CDK14: variants seen among roughly 807,000 people sequenced by gnomAD.
CDK14 encodes the protein cyclin-dependent kinase 14.
In CDK14, 34 loss-of-function variants were observed where a neutral mutation model predicts 60.7. The observed-to-expected ratio is 0.56, with a 90% CI of 0.43 to 0.75. CDK14 has a LOEUF of 0.75. Among genes scored for constraint, CDK14 ranks in the 30% least tolerant of loss-of-function variants. CDK14 has a pLI of 0.00. For synonymous variants in CDK14, 197 were observed against 203.7 expected (o/e 0.97, Z 0.28); for missense variants, 482 against 564.1 (o/e 0.85, Z 1.47).
intron 12 of CDK14, among the ~76,000 whole-genome samples, chr7:91,100,630 T>A (rs1799124925): frequency 6.6e-6 from 1 of 152,190 alleles, no homozygotes; most frequent in South Asian, 2.1e-4. Flanking sequence ...TGTCATAAGT[T>A]AACAGATTTT....
chr7:90,612,487 A>G (rs1397003184), intron 2 of CDK14, among the ~76,000 whole-genome samples: 2 of 151,988 alleles, frequency 1.3e-5, no homozygotes, highest in Admixed American at 1.3e-4. Context: ...GTAAGATTTT[A>G]TAGGCCAGGC....
intron 14 of CDK14, among the ~76,000 whole-genome samples, chr7:91,138,514 T>C (rs1197843617): frequency 6.6e-6 from 1 of 152,146 alleles, no homozygotes. Flanking sequence ...CATAGTGCAT[T>C]GACAGTCTCA....
chr7:90,744,300 C>T (rs1022730230), intron 3 of CDK14, among the ~76,000 whole-genome samples: 2 of 152,158 alleles, frequency 1.3e-5, no homozygotes, highest in African/African-American at 4.8e-5. Context: ...GGACACAGCA[C>T]ATGTTTCAGA....
At chr7:90,804,227 A>G (rs1196293549) in intron 5 of CDK14, among the ~76,000 whole-genome samples, 3 of 152,156 alleles carry the variant, frequency 2.0e-5, no homozygotes, top group Admixed American at 6.6e-5. Context: ...AGTACTTAAC[A>G]TATTTTGTCT....
At chr7:90,760,926 A>G (rs893399326) in intron 4 of CDK14, among the ~76,000 whole-genome samples, 124 of 152,144 alleles carry the variant, frequency 8.2e-4, no homozygotes, top group African/African-American at 2.9e-3. Context: ...AACATCTGCT[A>G]ATTTTATTTT....
chr7:90,779,589 A>G (rs1389396322), intron 4 of CDK14, among the ~76,000 whole-genome samples: 1 of 152,220 alleles, frequency 6.6e-6, no homozygotes, highest in Non-Finnish European at 1.5e-5. Context: ...TTTAAAAAAG[A>G]ACTTATTATA....
At chr7:90,818,047 C>T (rs1165067714) in intron 5 of CDK14, among the ~76,000 whole-genome samples, 1 of 152,162 alleles carries the variant, frequency 6.6e-6, no homozygotes, top group Non-Finnish European at 1.5e-5. Flanking sequence ...TTCCCGGAGG[C>T]AGGATTATAG....
At chr7:91,069,555 T>TA (rs894987784) in intron 11 of CDK14, among the ~76,000 whole-genome samples, 2 of 151,878 alleles carry the variant, frequency 1.3e-5, no homozygotes, top group Non-Finnish European at 2.9e-5. Context: ...AATTTAAATT[T>TA]AAAAAAAGCA....
At chr7:90,597,833 G>GTT (rs11351927) in intron 1 of CDK14, among the ~76,000 whole-genome samples, 1,495 of 138,558 alleles carry the variant, frequency 0.011, 20 homozygotes, top group African/African-American at 0.028. Flanking sequence ...ATTTAGCCAA[G>GTT]TTTTTTTTTT....
intron 7 of CDK14, among the ~76,000 whole-genome samples, chr7:90,915,471 G>A (rs575465042): frequency 3.3e-5 from 5 of 152,220 alleles, no homozygotes; most frequent in South Asian, 2.1e-4. Flanking sequence ...TCTTGGAGCC[G>A]GGGAATATAG....
Position 90,874,503 on chromosome 7 carries a change from C to CTTTTTTTTTTTTT in CDK14, c.639+11258_639+11270dup, listed in dbSNP as rs747439482. On this transcript the variant is annotated intron_variant, in intron 6 of 14. Transcript: ENST00000380050. ...ATCTGGAATCTCATGTCCTTTCATC[C>CTTTTTTTTTTTTT]TTTTTTTTTTTTTTTTTTTTTTTTT... Among the ~76,000 whole-genome samples the CTTTTTTTTTTTTT allele has an allele frequency of 6.2e-5, 3 of 48,010 alleles. 1 individual carries two copies. The highest frequency in any genetic ancestry group is 2.4e-3 in the East Asian group (2 of 834). 31.5% of individuals were successfully genotyped at this position (48,010 alleles called of 152,430 possible).
In CDK14 at chr7:90,824,906, T is replaced by C. The variant is rs868416383; in HGVS notation, c.544+34254T>C. Reference sequence around the variant, plus strand: ...CTTGGAGTCAGATGGCCACAAGGATTGAATTGCCTTTTGCTGGCAATATTT... The same window carrying C: ...CTTGGAGTCAGATGGCCACAAGGATCGAATTGCCTTTTGCTGGCAATATTT... On this transcript the variant is annotated intron_variant, in intron 5 of 14. Transcript: ENST00000380050. 4.6e-5 allele frequency: 7 copies of C among 152,324 alleles called. No homozygotes were observed. In the South Asian group the frequency reaches 1.5e-3, roughly 32 times the overall value. The allele number at this position is 152,324 out of a possible 1,614,324, so 9.4% of individuals were successfully genotyped here.
intron 12 of CDK14, among the ~76,000 whole-genome samples, chr7:91,091,827 A>G (rs1276676817): frequency 6.6e-6 from 1 of 151,878 alleles, no homozygotes; most frequent in East Asian, 1.9e-4. Flanking sequence ...CATTTCTTTA[A>G]ATACTTCCAT....
chr7:91,077,808 T>C (rs1798368820), intron 11 of CDK14, among the ~76,000 whole-genome samples: 1 of 151,684 alleles, frequency 6.6e-6, no homozygotes, highest in African/African-American at 2.4e-5. Context: ...AAAAATTCTA[T>C]AAACTGATTA....
chr7:91,203,001 A>C (rs1210002170), intron 14 of CDK14, among the ~76,000 whole-genome samples: 1 of 152,234 alleles, frequency 6.6e-6, no homozygotes, highest in African/African-American at 2.4e-5. Context: ...ATGTCTAAAA[A>C]ACATCTTAAC....
At chr7:90,835,182 A>G (rs1235257208) in intron 5 of CDK14, among the ~76,000 whole-genome samples, 3 of 152,188 alleles carry the variant, frequency 2.0e-5, no homozygotes, top group Non-Finnish European at 4.4e-5. Flanking sequence ...AATGAAAGAC[A>G]TGGATGCCAG....
chr7:90,807,008 G>A (rs1177212653), intron 5 of CDK14, among the ~76,000 whole-genome samples: 1 of 152,208 alleles, frequency 6.6e-6, no homozygotes, highest in East Asian at 1.9e-4. Context: ...GCTCAAGGAG[G>A]CCTGCCTGCC....
At chr7:90,996,334 A>C (rs1005279804) in intron 10 of CDK14, among the ~76,000 whole-genome samples, 14 of 152,132 alleles carry the variant, frequency 9.2e-5, no homozygotes, top group African/African-American at 3.4e-4. Flanking sequence ...CAGGATGTTA[A>C]TCTTTTAGTG....
chr7:90,711,692 G>T (rs992387768), intron 2 of CDK14, among the ~76,000 whole-genome samples: 2 of 152,016 alleles, frequency 1.3e-5, no homozygotes, highest in African/African-American at 4.8e-5. Flanking sequence ...AAGAAGCTTA[G>T]ATATAGTTGT....
Sources: gnomAD v4.1 joint callset for allele counts (sites outside exome capture counted in the v4.1 genomes callset) on GRCh38, gnomAD v4.1.1 for gene constraint, MANE v1.5 for transcripts, NCBI Gene and HGNC (gene_info 2026-07-23, HGNC 2026-07-21) for gene names.